The following CDH19 variants were observed in gnomAD, a reference collection of about 807,000 sequenced individuals.
CDH19 encodes cadherin 19.
CDH19 carries 67 observed loss-of-function variants against 64.2 expected under a neutral mutation model. The ratio of observed to expected loss-of-function variants is 1.04; its 90% CI spans 0.86 to 1.28. The LOEUF (loss-of-function observed/expected upper bound fraction) is 1.28, where lower values mean the gene tolerates loss of function less well. CDH19 is among the 50% of genes most tolerant of loss of function. The pLI, the probability that CDH19 is intolerant of heterozygous loss-of-function variation, is 0.00. For missense variants in CDH19, 1,030 were observed against 929.0 expected (o/e 1.11, Z -1.41); for synonymous variants, 346 against 319.3 (o/e 1.08, Z -0.89).
chr18:66,511,294 T>C (rs1181856059), intron 10 of CDH19, among the ~76,000 whole-genome samples: 2 of 151,686 alleles, frequency 1.3e-5, no homozygotes, highest in Admixed American at 6.6e-5. Flanking sequence ...ACTGCAATTA[T>C]ATTCGCAGGG....
intron 3 of CDH19, among the ~76,000 whole-genome samples, chr18:66,566,158 T>C (rs1296880647): frequency 1.3e-5 from 2 of 151,964 alleles, no homozygotes; most frequent in African/African-American, 4.8e-5. Flanking sequence ...CTCTCTCAAT[T>C]ACTGCCTTCG....
chr18:66,561,666 C>T (rs1179058759), intron 3 of CDH19, among the ~76,000 whole-genome samples: 1 of 151,936 alleles, frequency 6.6e-6, no homozygotes, highest in African/African-American at 2.4e-5. Context: ...ATCAGAGGTG[C>T]CAGTGGTATT....
At chr18:66,577,219 T>C (rs566539761) in intron 1 of CDH19, among the ~76,000 whole-genome samples, 26 of 152,010 alleles carry the variant, frequency 1.7e-4, no homozygotes, top group African/African-American at 6.3e-4. Context: ...ACAGGTATTT[T>C]TATAAAACTT....
chr18:66,538,306 T>A (rs1986753331), intron 7 of CDH19, among the ~76,000 whole-genome samples: 1 of 152,154 alleles, frequency 6.6e-6, no homozygotes, highest in African/African-American at 2.4e-5. Flanking sequence ...ATTTTGGGGA[T>A]ATCTCCAAAG....
At chr18:66,573,083 T>C (rs1359614790) in intron 1 of CDH19, among the ~76,000 whole-genome samples, 2 of 151,808 alleles carry the variant, frequency 1.3e-5, no homozygotes, top group African/African-American at 2.4e-5. Context: ...GAGTTTTACA[T>C]TTAAAACTTT....
chr18:66,595,249 G>A lies in CDH19; in HGVS notation c.-113+8705C>T, dbSNP rs147342942. ...AATGTCCATATCAAAAAGTTAGAAA[G>A]ATCTTTACTTAATAACGTAACATCA... On this transcript the variant is annotated intron_variant, in intron 1 of 11. Coordinates refer to ENST00000262150, the MANE Select transcript of CDH19 (RefSeq NM_021153.4). Among the ~76,000 whole-genome samples the A allele has an allele frequency of 2.1e-3, 319 of 151,398 alleles. 2 individuals are homozygous for A. Among genetic ancestry groups the A allele is most frequent in the Non-Finnish European group, 3.7e-3 (252 of 67,784 alleles).
intron 1 of CDH19, among the ~76,000 whole-genome samples, chr18:66,591,555 C>G (rs756563746): frequency 6.6e-6 from 1 of 151,804 alleles, no homozygotes; most frequent in Non-Finnish European, 1.5e-5. Context: ...GACAACAGTA[C>G]AAATCTATCA....
At chr18:66,540,073 TTCTCTCTC>T (rs150057094) in intron 7 of CDH19, among the ~76,000 whole-genome samples, 11 of 149,610 alleles carry the variant, frequency 7.4e-5, no homozygotes, top group Admixed American at 2.7e-4. Context: ...AATTTTTGTC[TTCTCTCTC>T]TCTCTCTCTC....
chr18:66,583,161 C>CT (rs1400255031), intron 1 of CDH19, among the ~76,000 whole-genome samples: 1 of 151,884 alleles, frequency 6.6e-6, no homozygotes, highest in Non-Finnish European at 1.5e-5. Flanking sequence ...AATTATTGTA[C>CT]TTTTTTATGA....
chr18:66,506,903 CACTTTAG>C (rs776137846), intron 11 of CDH19, among the ~76,000 whole-genome samples: 47 of 151,974 alleles, frequency 3.1e-4, no homozygotes, highest in Non-Finnish European at 5.0e-4. Context: ...TCATGTATTG[CACTTTAG>C]AACTCATATG....
chr18:66,531,080 TA>T (rs1398130974), intron 8 of CDH19, among the ~76,000 whole-genome samples: 1 of 152,032 alleles, frequency 6.6e-6, no homozygotes, highest in Non-Finnish European at 1.5e-5. Flanking sequence ...TGCTGAAAAA[TA>T]ACAATGTAAA....
chr18:66,516,471 T>C (rs991626668), intron 9 of CDH19, among the ~76,000 whole-genome samples: 1 of 152,010 alleles, frequency 6.6e-6, no homozygotes, highest in African/African-American at 2.4e-5. Flanking sequence ...AATGGTACAG[T>C]ATGCTTCAAA....
chr18:66,574,760 A>C (rs190553466), intron 1 of CDH19, among the ~76,000 whole-genome samples: 56 of 151,940 alleles, frequency 3.7e-4, no homozygotes, highest in Admixed American at 2.5e-3. Flanking sequence ...CAAAACCATT[A>C]ATAATGAGAA....
At chr18:66,545,199 C>T (rs1201267711) in intron 5 of CDH19, among the ~76,000 whole-genome samples, 1 of 151,830 alleles carries the variant, frequency 6.6e-6, no homozygotes, top group African/African-American at 2.4e-5. Flanking sequence ...AGGATGGTCT[C>T]GATCTCCTGA....
At chr18:66,603,605 A>C (rs1194712186) in intron 1 of CDH19, among the ~76,000 whole-genome samples, 1 of 152,022 alleles carries the variant, frequency 6.6e-6, no homozygotes, top group African/African-American at 2.4e-5. Context: ...CCCTGAACAA[A>C]GAAAAAAGTG....
chr18:66,581,999 G>A (rs926010878), intron 1 of CDH19, among the ~76,000 whole-genome samples: 5 of 151,910 alleles, frequency 3.3e-5, no homozygotes, highest in Admixed American at 2.0e-4. Context: ...CATAACTACT[G>A]ATCTTAAAGA....
intron 11 of CDH19, 126 bp from the exon 12 acceptor site, chr18:66,505,428 A>ATCTT: frequency 1.3e-6 from 1 of 745,446 alleles, no homozygotes; most frequent in Non-Finnish European, 1.9e-6. Context: ...AAAAAGATAC[A>ATCTT]TTTGTTATTG....
intron 1 of CDH19, among the ~76,000 whole-genome samples, chr18:66,572,717 CT>C (rs1431102376): frequency 6.6e-6 from 1 of 151,502 alleles, no homozygotes; most frequent in African/African-American, 2.4e-5. Context: ...CTTATTTTTC[CT>C]TTTTATATTT....
At chr18:66,586,294 CAG>C (rs1988576057) in intron 1 of CDH19, among the ~76,000 whole-genome samples, 2 of 151,878 alleles carry the variant, frequency 1.3e-5, no homozygotes, top group Admixed American at 1.3e-4. Flanking sequence ...CAAAGAAAAA[CAG>C]AAAAACTTAA....
Sources: allele counts gnomAD v4.1 joint callset (sites outside exome capture counted in the v4.1 genomes callset), GRCh38; gene constraint gnomAD v4.1.1; transcripts MANE v1.5; gene names NCBI Gene and HGNC (gene_info 2026-07-23, HGNC 2026-07-21).